SCHIP1: variants seen among roughly 807,000 people sequenced by gnomAD.
SCHIP1 encodes the protein schwannomin-interacting protein 1.
SCHIP1 carries 8 observed loss-of-function variants against 29.7 expected under a neutral mutation model. That is an observed-to-expected ratio of 0.27 (90% CI 0.16 to 0.49). The LOEUF (loss-of-function observed/expected upper bound fraction) is 0.49, where lower values mean the gene tolerates loss of function less well. Ranked by LOEUF, SCHIP1 falls within the 20% of genes least tolerant of loss-of-function variation. The probability of loss-of-function intolerance (pLI) is 0.99; values close to 1 mark genes in which losing one functional copy is unlikely to be tolerated. For synonymous variants in SCHIP1, 76 were observed against 94.9 expected (o/e 0.80, Z 1.16); for missense variants, 193 against 294.6 (o/e 0.66, Z 2.52).
chr3:159,804,716 T>C, the SCHIP1 span, among the ~76,000 whole-genome samples: 1 of 152,254 alleles, frequency 6.6e-6, no homozygotes, highest in African/African-American at 2.4e-5. Flanking sequence ...CTAACCTGGC[T>C]TCACAGTGAT....
the SCHIP1 span, among the ~76,000 whole-genome samples, chr3:159,680,879 G>GT: frequency 6.7e-6 from 1 of 148,764 alleles, no homozygotes; most frequent in African/African-American, 2.5e-5. Flanking sequence ...TGAATGTTTA[G>GT]TCTAAAAATA....
the SCHIP1 span, among the ~76,000 whole-genome samples, chr3:159,826,322 C>T: frequency 6.6e-6 from 1 of 152,132 alleles, no homozygotes. Context: ...GGTCAAAGTT[C>T]TGATGGCTTC....
the SCHIP1 span, among the ~76,000 whole-genome samples, chr3:159,700,304 T>C: frequency 6.6e-6 from 1 of 152,166 alleles, no homozygotes; most frequent in South Asian, 2.1e-4. Flanking sequence ...TGATGCAGTT[T>C]CTCCAAAAAT....
chr3:159,637,200 T>C, the SCHIP1 span, among the ~76,000 whole-genome samples: 1 of 152,196 alleles, frequency 6.6e-6, no homozygotes, highest in South Asian at 2.1e-4. Flanking sequence ...GTTTCTCTAA[T>C]AACATGCTTC....
At chr3:159,771,193 A>G in the SCHIP1 span, among the ~76,000 whole-genome samples, 1 of 152,242 alleles carries the variant, frequency 6.6e-6, no homozygotes, top group Admixed American at 6.5e-5. Context: ...TGTAAGAATT[A>G]CAGCCCAGTT....
At chr3:159,634,476 G>A in the SCHIP1 span, among the ~76,000 whole-genome samples, 2 of 152,094 alleles carry the variant, frequency 1.3e-5, no homozygotes, top group East Asian at 1.9e-4. Context: ...ACAGTTAGAG[G>A]CCCACCTCTC....
chr3:159,742,325 C>T, the SCHIP1 span, among the ~76,000 whole-genome samples: 2 of 152,222 alleles, frequency 1.3e-5, no homozygotes, highest in East Asian at 1.9e-4. Flanking sequence ...AAGACACTGC[C>T]CCCAAAAGTG....
chr3:159,705,861 C>T, the SCHIP1 span, among the ~76,000 whole-genome samples: 1 of 152,106 alleles, frequency 6.6e-6, no homozygotes, highest in Non-Finnish European at 1.5e-5. Context: ...CATGCGCCAC[C>T]ACATCCAGCT....
the SCHIP1 span, chr3:159,722,241 ACCAACAGGG>A: frequency 5.7e-6 from 1 of 174,340 alleles, no homozygotes; most frequent in Admixed American, 6.4e-5. Flanking sequence ...CTTCTCTTCC[ACCAACAGGG>A]CCACAGCACT....
At chr3:159,399,013 T>C in the SCHIP1 span, 2 of 898,736 alleles carry the variant, frequency 2.2e-6, no homozygotes, top group Non-Finnish European at 1.3e-6. Context: ...TCTAACCTTA[T>C]ATTCTAGTGC....
the SCHIP1 span, among the ~76,000 whole-genome samples, chr3:159,632,579 A>G: frequency 6.6e-6 from 1 of 152,172 alleles, no homozygotes; most frequent in South Asian, 2.1e-4. Context: ...TCCCTTTGTC[A>G]GAGAGAAAGC....
chr3:159,456,954 GGTGT>G, the SCHIP1 span, among the ~76,000 whole-genome samples: 45 of 152,172 alleles, frequency 3.0e-4, no homozygotes, highest in African/African-American at 1.0e-3. Context: ...GTGTTCACAT[GGTGT>G]GTATTTATCA....
At chr3:159,558,082 T>A in the SCHIP1 span, among the ~76,000 whole-genome samples, 1 of 152,286 alleles carries the variant, frequency 6.6e-6, no homozygotes, top group South Asian at 2.1e-4. Flanking sequence ...TGAATCTTCA[T>A]CTGGGATGCT....
chr3:159,434,141 A>T, the SCHIP1 span, among the ~76,000 whole-genome samples: 1 of 152,220 alleles, frequency 6.6e-6, no homozygotes. Context: ...GATTAATTAA[A>T]ATTAATCAGC....
At chr3:159,700,537 G>T in the SCHIP1 span, among the ~76,000 whole-genome samples, 2 of 152,020 alleles carry the variant, frequency 1.3e-5, no homozygotes, top group Non-Finnish European at 2.9e-5. Flanking sequence ...GATGCAGTTT[G>T]GGCTGGGCAT....
At chr3:159,777,989 A>ATT in the SCHIP1 span, among the ~76,000 whole-genome samples, 14 of 147,192 alleles carry the variant, frequency 9.5e-5, no homozygotes, top group South Asian at 1.1e-3. Flanking sequence ...AACAGGAAAC[A>ATT]TTTTTTTTTT....
At chr3:159,657,450 TGTTA>T in the SCHIP1 span, among the ~76,000 whole-genome samples, 1 of 152,246 alleles carries the variant, frequency 6.6e-6, no homozygotes, top group African/African-American at 2.4e-5. Flanking sequence ...TAGTGAAGGC[TGTTA>T]GTCACACTCC....
At chr3:159,380,107 A>T in the SCHIP1 span, among the ~76,000 whole-genome samples, 1 of 152,228 alleles carries the variant, frequency 6.6e-6, no homozygotes, top group South Asian at 2.1e-4. Context: ...TCTAGTTTGT[A>T]ATGCTGAGTA....
the SCHIP1 span, among the ~76,000 whole-genome samples, chr3:159,536,673 T>G: frequency 2.6e-5 from 4 of 152,136 alleles, no homozygotes; most frequent in African/African-American, 7.2e-5. Context: ...TCTAGAGGTA[T>G]CACCTAAGGA....
Sources: allele counts gnomAD v4.1 joint callset (sites outside exome capture counted in the v4.1 genomes callset), GRCh38; gene constraint gnomAD v4.1.1; transcripts MANE v1.5; gene names NCBI Gene and HGNC (gene_info 2026-07-23, HGNC 2026-07-21).